The following TPD52L2 variants were observed in gnomAD, a reference collection of about 807,000 sequenced individuals.
TPD52L2 encodes the protein tumor protein D54.
Under a neutral mutation model 24.7 loss-of-function variants are expected in TPD52L2, and 19 were observed. The ratio of observed to expected loss-of-function variants is 0.77; its 90% CI spans 0.54 to 1.13. TPD52L2 has a LOEUF of 1.13. Among genes scored for constraint, TPD52L2 ranks in the 50% most tolerant of loss-of-function variants. The probability of loss-of-function intolerance (pLI) is 0.00; values close to 1 mark genes in which losing one functional copy is unlikely to be tolerated. For missense variants in TPD52L2, 236 were observed against 250.4 expected (o/e 0.94, Z 0.39); for synonymous variants, 104 against 100.2 (o/e 1.04, Z -0.23).
chr20:63,865,596 T>C (rs1171488493), intron 1 of TPD52L2, among the ~76,000 whole-genome samples: 11 of 152,214 alleles, frequency 7.2e-5, no homozygotes, highest in Admixed American at 7.2e-4. Flanking sequence ...CTGGGCTCTC[T>C]CCAGCCGCCC....
intron 1 of TPD52L2, among the ~76,000 whole-genome samples, chr20:63,867,262 CTTT>C (rs34211856): frequency 6.6e-6 from 1 of 152,076 alleles, no homozygotes; most frequent in Non-Finnish European, 1.5e-5. Context: ...CCTCATTTGT[CTTT>C]TTTTAAATAG....
intron 5 of TPD52L2, among the ~76,000 whole-genome samples, chr20:63,886,669 G>A (rs1240577089): frequency 7.2e-6 from 1 of 138,066 alleles, no homozygotes; most frequent in Non-Finnish European, 1.5e-5. Flanking sequence ...TTTTTTTGTT[G>A]GAGTCTCGCT....
chr20:63,875,155 AT>A (rs2052623375), intron 3 of TPD52L2, among the ~76,000 whole-genome samples: 4 of 142,792 alleles, frequency 2.8e-5, no homozygotes, highest in African/African-American at 1.1e-4. Flanking sequence ...AAAAAAAAAT[AT>A]ATATATATAT....
chr20:63,875,737 C>T (rs1600806013), intron 3 of TPD52L2, 79 bp from the exon 4 acceptor site: 2 of 1,467,036 alleles, frequency 1.4e-6, no homozygotes, highest in East Asian at 4.6e-5. Flanking sequence ...CTCTGTCTTC[C>T]CTGGAACTTC....
intron 4 of TPD52L2, among the ~76,000 whole-genome samples, chr20:63,882,505 G>A (rs893052357): frequency 1.3e-5 from 2 of 152,242 alleles, no homozygotes; most frequent in African/African-American, 2.4e-5. Flanking sequence ...CTCAGTGAGC[G>A]AGCAATGCAC....
At chr20:63,887,763 C>G (rs1046519061) in intron 5 of TPD52L2, 1 of 721,960 alleles carries the variant, frequency 1.4e-6, no homozygotes, top group Non-Finnish European at 2.4e-6. Flanking sequence ...GGTAAAAACC[C>G]CCTCTAGGCT....
chr20:63,879,372 C>G (rs1021315642), intron 4 of TPD52L2, among the ~76,000 whole-genome samples: 10 of 152,050 alleles, frequency 6.6e-5, no homozygotes, highest in Non-Finnish European at 1.3e-4. Context: ...TGGTCAGTGG[C>G]CAGGAACCCT....
At chr20:63,870,557 T>C (rs1197143503) in intron 2 of TPD52L2, among the ~76,000 whole-genome samples, 3 of 137,234 alleles carry the variant, frequency 2.2e-5, no homozygotes, top group African/African-American at 8.2e-5. Context: ...AGTCGGAGTC[T>C]CTGCCGCCCA....
chr20:63,881,754 T>C (rs2052908280), intron 4 of TPD52L2, among the ~76,000 whole-genome samples: 1 of 152,192 alleles, frequency 6.6e-6, no homozygotes, highest in Non-Finnish European at 1.5e-5. Flanking sequence ...CTGGCTTCAC[T>C]GAGGGAGGAG....
At chr20:63,870,616 C>T (rs577071629) in intron 2 of TPD52L2, among the ~76,000 whole-genome samples, 113 of 150,160 alleles carry the variant, frequency 7.5e-4, no homozygotes, top group African/African-American at 2.5e-3. Context: ...CTCCAACACC[C>T]GGGTTCACGC....
chr20:63,889,146 A>C (rs1469476883), intron 5 of TPD52L2, 44 bp from the exon 6 acceptor site: 2 of 1,576,440 alleles, frequency 1.3e-6, no homozygotes, highest in African/African-American at 1.4e-5. Context: ...GAGCAGCACA[A>C]CCCTCTCCTC....
In TPD52L2 at chr20:63,872,572, T is replaced by C. The variant is rs144781505; in HGVS notation, c.166-1096T>C. 9.9e-5 allele frequency among the ~76,000 whole-genome samples: 15 copies of C among 150,972 alleles called. No homozygotes were observed. In the East Asian group the frequency reaches 2.7e-3, roughly 28 times the overall value. ...TTTGTATTTTTAGTAGAGACGGGGT[T>C]TTGTCATGTTGGCCAGGCTGGTCTC... is the stretch of plus-strand genomic sequence containing the variant. On this transcript the variant is annotated intron_variant, in intron 2 of 6. Coordinates refer to ENST00000346249, the MANE Select transcript of TPD52L2 (RefSeq NM_003288.4).
intron 5 of TPD52L2, among the ~76,000 whole-genome samples, chr20:63,886,384 G>A (rs1041947938): frequency 2.5e-4 from 38 of 151,064 alleles, no homozygotes; most frequent in Middle Eastern, 3.4e-3. Flanking sequence ...TTTTTTAGAC[G>A]GAGTCTTGCT....
At position 63,882,801 on chromosome 20, in the gene TPD52L2, A is replaced by G. The variant is rs1568955768; in HGVS notation, c.457A>G (p.Arg153Gly). Residue 153 changes from arginine (R) to glycine (G), a missense_variant, in exon 5 of 7, where the codon AGG (arginine) becomes GGG (glycine). Transcript: ENST00000346249. ...ALSTVGSAISRKLGDMRNSAT... is the reference protein window; with the variant it reads ...ALSTVGSAISGKLGDMRNSAT... Reference sequence around the variant, plus strand: ...GTCCACAGTGGGCTCTGCCATCAGCAGGAAGCTTGGAGACATGAGGTGAGA... The same window carrying G: ...GTCCACAGTGGGCTCTGCCATCAGCGGGAAGCTTGGAGACATGAGGTGAGA... The G allele has an allele frequency of 6.2e-7, 1 of 1,613,116 alleles. No homozygotes were observed. The highest frequency in any genetic ancestry group is 1.7e-5 in the Admixed American group (1 of 59,938).
Position 63,875,884 on chromosome 20 carries a change from C to CT in TPD52L2, c.374+10dup, listed in dbSNP as rs1410452220. On this transcript the variant is annotated intron_variant, in intron 4 of 6. Coordinates refer to ENST00000346249, the MANE Select transcript of TPD52L2 (RefSeq NM_003288.4). The stretch of plus-strand genomic sequence containing the variant: ...GTGACCCAGTCAGACCTGTGAGTGC[C>CT]TGTATCATCAGCACCTCCTCCTTCC... The CT allele has an allele frequency of 6.2e-7, 1 of 1,613,860 alleles. No individual in the cohort carries two copies. Among genetic ancestry groups the CT allele is most frequent in the Non-Finnish European group, 8.5e-7 (1 of 1,179,884 alleles).
rs947312028 is a variant in TPD52L2, at chr20:63,882,925, C to T, written c.476+105C>T. 1.7e-5 allele frequency: 14 copies of T among 835,550 alleles called. No homozygotes were observed. The African/African-American group carries it at 2.1e-4, about 12-fold the overall frequency. The allele number at this position is 835,550 out of a possible 1,614,324, so 51.8% of individuals were successfully genotyped here. ...GCCTGGAGATCAGGGCTCAGATGCA[C>T]TGGCTCAGGGATGTGGCCATCCATC... On this transcript the variant is annotated intron_variant, in intron 5 of 6. Transcript: ENST00000346249.
chr20:63,868,719 G>T (rs530073139), intron 1 of TPD52L2, among the ~76,000 whole-genome samples: 2 of 152,308 alleles, frequency 1.3e-5, no homozygotes, highest in African/African-American at 4.8e-5. Flanking sequence ...CAAGGCGGGC[G>T]GATCACCCGA....
intron 5 of TPD52L2, among the ~76,000 whole-genome samples, chr20:63,886,527 A>C (rs555001855): frequency 6.6e-6 from 1 of 151,838 alleles, no homozygotes; most frequent in Admixed American, 6.6e-5. Context: ...ACGCCCGGCT[A>C]ATTTTTTGTA....
intron 4 of TPD52L2, chr20:63,876,930 G>A (rs758269978): frequency 3.7e-5 from 17 of 454,488 alleles, no homozygotes; most frequent in South Asian, 2.3e-4. Context: ...CCAGGGACCC[G>A]GGCGGTTTGT....
Sources: gnomAD v4.1 joint callset for allele counts (sites outside exome capture counted in the v4.1 genomes callset) on GRCh38, gnomAD v4.1.1 for gene constraint, MANE v1.5 for transcripts, NCBI Gene and HGNC (gene_info 2026-07-23, HGNC 2026-07-21) for gene names.